Variants in CLGN observed in about 807,000 individuals in gnomAD.
CLGN encodes the protein testis tissue sperm-binding protein Li 79P.
In CLGN, 62 loss-of-function variants were observed where a neutral mutation model predicts 79.1. The observed-to-expected ratio is 0.78, with a 90% confidence interval of 0.64 to 0.97. The LOEUF (loss-of-function observed/expected upper bound fraction) is 0.97. Ranked by LOEUF, CLGN falls within the 50% of genes least tolerant of loss-of-function variation. The probability of loss-of-function intolerance (pLI) is 0.00; values close to 1 mark genes in which losing one functional copy is unlikely to be tolerated. For synonymous variants in CLGN, 225 were observed against 224.7 expected (o/e 1.00, Z -0.01); for missense variants, 647 against 715.5 (o/e 0.90, Z 1.09).
chr4:140,411,333 G>A (rs959885246), intron 2 of CLGN, among the ~76,000 whole-genome samples: 1 of 152,032 alleles, frequency 6.6e-6, no homozygotes, highest in African/African-American at 2.4e-5. Flanking sequence ...TACATATAAA[G>A]CCAAGACTGT....
chr4:140,408,406 G>A (rs1029990534), intron 4 of CLGN, among the ~76,000 whole-genome samples: 8 of 152,100 alleles, frequency 5.3e-5, no homozygotes, highest in African/African-American at 1.9e-4. Context: ...CACAGTGTGG[G>A]AGAAAATATT....
At chr4:140,410,832 A>G (rs898773467) in intron 2 of CLGN, among the ~76,000 whole-genome samples, 1 of 152,006 alleles carries the variant, frequency 6.6e-6, no homozygotes, top group African/African-American at 2.4e-5. Flanking sequence ...CAAAAATACT[A>G]TACGTACAAA....
At chr4:140,424,523 G>T (rs914147258) in intron 1 of CLGN, among the ~76,000 whole-genome samples, 1 of 152,144 alleles carries the variant, frequency 6.6e-6, no homozygotes, top group Non-Finnish European at 1.5e-5. Context: ...ATTATGTTTA[G>T]TTGGCTTGTG....
rs768525651 is a variant in CLGN at position 140,395,906 on chromosome 4, C to A, written c.1062G>T (p.Gly354=). The A allele has an allele frequency of 6.2e-7, 1 of 1,606,064 alleles. No individual in the cohort carries two copies. The highest frequency in any genetic ancestry group is 1.1e-5 in the South Asian group (1 of 89,040). Residue 354 remains glycine (G), a synonymous_variant, in exon 10 of 15, where the codon GGG becomes GGT. Coordinates refer to ENST00000325617, the MANE Select transcript of CLGN (RefSeq NM_004362.3). ...PQILNPACRI[G]CGEWKPPMID... ...TCATGGGAGGTTTCCACTCACCACA[C>A]CCAATCCGACATGCTGGATTAAGAA... is the stretch of plus-strand genomic sequence containing the variant.
chr4:140,396,050 A>G, intron 9 of CLGN, 42 bp downstream of exon 9: 1 of 1,610,620 alleles, frequency 6.2e-7, no homozygotes, highest in Non-Finnish European at 8.5e-7. Flanking sequence ...AATGCATGTA[A>G]GAAACATTTG....
intron 1 of CLGN, among the ~76,000 whole-genome samples, chr4:140,421,937 C>A (rs371101107): frequency 3.3e-5 from 5 of 151,906 alleles, no homozygotes; most frequent in African/African-American, 4.8e-5. Context: ...GTCTTCAATC[C>A]ATTTCGAGTT....
intron 6 of CLGN, among the ~76,000 whole-genome samples, chr4:140,401,746 C>T (rs189093659): frequency 1.4e-3 from 214 of 152,096 alleles, no homozygotes; most frequent in African/African-American, 4.9e-3. Context: ...AGTTTTTGTC[C>T]TACAGACATG....
intron 1 of CLGN, among the ~76,000 whole-genome samples, chr4:140,421,959 A>G (rs1022340387): frequency 6.6e-6 from 1 of 152,118 alleles, no homozygotes; most frequent in African/African-American, 2.4e-5. Flanking sequence ...ATTTTTGTCT[A>G]TGATTTAAGG....
chr4:140,414,549 G>T (rs1161264912), intron 1 of CLGN, among the ~76,000 whole-genome samples: 2 of 150,004 alleles, frequency 1.3e-5, no homozygotes, highest in Non-Finnish European at 3.0e-5. Context: ...ACTACGTGAA[G>T]AATGCAGAAG....
At chr4:140,396,428 T>A (rs947055438) in intron 8 of CLGN, among the ~76,000 whole-genome samples, 3 of 152,220 alleles carry the variant, frequency 2.0e-5, no homozygotes, top group African/African-American at 4.8e-5. Context: ...TTCTTTTTTT[T>A]AATACGAATG....
chr4:140,416,401 A>G (rs1231227404), intron 1 of CLGN, among the ~76,000 whole-genome samples: 5 of 145,574 alleles, frequency 3.4e-5, no homozygotes, highest in East Asian at 2.0e-4. Context: ...CAAAAAATTA[A>G]TGAATCCAGG....
chr4:140,419,768 A>G (rs1729427314), intron 1 of CLGN, among the ~76,000 whole-genome samples: 1 of 152,162 alleles, frequency 6.6e-6, no homozygotes. Context: ...ATTAACTAGG[A>G]TTTGATCTCT....
rs375245951 is a variant in CLGN at position 140,396,218 on chromosome 4, C to T, written c.885-13G>A. On this transcript the variant is annotated splice_polypyrimidine_tract_variant and intron_variant, in intron 8 of 14. Coordinates refer to ENST00000325617, the MANE Select transcript of CLGN (RefSeq NM_004362.3). Reference sequence around the variant, plus strand: ...TTCACTTTCATCCCTGTAAATACAACGTTTTATATTACTAATTATTCAGAA... The same window carrying T: ...TTCACTTTCATCCCTGTAAATACAATGTTTTATATTACTAATTATTCAGAA... 5.1e-6 allele frequency: 8 copies of T among 1,558,962 alleles called. No individual in the cohort carries two copies. The highest frequency in any genetic ancestry group is 1.7e-4 in the Middle Eastern group (1 of 5,932).
chr4:140,404,935 CAT>C lies in CLGN; in HGVS notation c.419+1005_419+1006del, dbSNP rs111423094. On this transcript the variant is annotated intron_variant, in intron 5 of 14. Transcript: ENST00000325617. ...CCTCCCAAAGTGCTGGGATTACACA[CAT>C]GAGGCATGAGGCACCATGCCAGGCA... is the stretch of plus-strand genomic sequence containing the variant. 5.3e-3 allele frequency among the ~76,000 whole-genome samples: 811 copies of C among 152,070 alleles called. 10 individuals carry two copies. Among genetic ancestry groups the C allele is most frequent in the African/African-American group, 0.017 (723 of 41,496 alleles).
At chr4:140,410,777 C>G in intron 2 of CLGN, 151 bp from the exon 3 acceptor site, 1 of 575,216 alleles carries the variant, frequency 1.7e-6, no homozygotes, top group Non-Finnish European at 3.1e-6. Flanking sequence ...AACTTTGTAC[C>G]TAGTAATGAT....
chr4:140,393,697 C>T (rs1728817139), intron 11 of CLGN, 129 bp downstream of exon 11: 1 of 767,316 alleles, frequency 1.3e-6, no homozygotes, highest in Non-Finnish European at 2.1e-6. Flanking sequence ...TATTCAAACA[C>T]ATTTCCTTGG....
chr4:140,392,684 C>T lies in CLGN; in HGVS notation c.1393G>A (p.Ala465Thr). Residue 465 changes from alanine to threonine, a missense_variant, in exon 12 of 15, where the codon GCT becomes ACT. Ala to Thr is a moderately conservative substitution (Grantham distance 58). Transcript: ENST00000325617. ...KPGVLKQLMA[A>T]AEGHPWLWLI... ...CAAAGCCATGGGTGCCCTTCAGCAG[C>T]TGCCATTAACTGTTTTAATACACCA... The T allele has an allele frequency of 1.2e-6, 2 of 1,605,048 alleles. No individual in the cohort carries two copies. Among genetic ancestry groups the T allele is most frequent in the Non-Finnish European group, 1.7e-6 (2 of 1,177,008 alleles).
intron 12 of CLGN, 104 bp from the exon 13 acceptor site, chr4:140,392,482 A>T: frequency 1.3e-6 from 2 of 1,487,880 alleles, no homozygotes; most frequent in Non-Finnish European, 1.8e-6. Context: ...AGTAAAACTT[A>T]TGAGACATTT....
At chr4:140,404,938 G>A (rs576376429) in intron 5 of CLGN, among the ~76,000 whole-genome samples, 2 of 150,532 alleles carry the variant, frequency 1.3e-5, no homozygotes, top group South Asian at 4.1e-4. Context: ...TTACACACAT[G>A]AGGCATGAGG....
Sources: gnomAD v4.1 joint callset for allele counts (sites outside exome capture counted in the v4.1 genomes callset) on GRCh38, gnomAD v4.1.1 for gene constraint, MANE v1.5 for transcripts, NCBI Gene and HGNC (gene_info 2026-07-23, HGNC 2026-07-21) for gene names.